Variants in CDH12 observed in about 807,000 individuals in gnomAD.
The protein encoded by CDH12 is cadherin 12.
CDH12 carries 41 observed loss-of-function variants against 74.1 expected under a neutral mutation model. The observed-to-expected ratio is 0.55, with a 90% CI of 0.43 to 0.72. The LOEUF (loss-of-function observed/expected upper bound fraction) is 0.72, where lower values mean the gene tolerates loss of function less well. Among genes scored for constraint, CDH12 ranks in the 30% least tolerant of loss-of-function variants. The pLI, the probability that CDH12 is intolerant of heterozygous loss-of-function variation, is 0.00. For synonymous variants in CDH12, 399 were observed against 355.0 expected, an observed-to-expected ratio of 1.12 and a Z score of -1.39; for missense variants, 945 against 977.2, an observed-to-expected ratio of 0.97 and a Z score of 0.44.
Position 21,905,061 on chromosome 5 carries a change from G to A in CDH12, c.527-50271C>T, listed in dbSNP as rs116238997. Among the ~76,000 whole-genome samples, 1,199 of 152,310 alleles carry A rather than the reference G, an allele frequency of 7.9e-3. 19 individuals carry two copies. The highest frequency in any genetic ancestry group is 0.027 in the African/African-American group (1,131 of 41,572). ...CATAGCCATTGCAATGTGTACTTTGGATGTCAATCACAATTTGTCCTTTAG... is the reference window on the plus strand; with the variant it reads ...CATAGCCATTGCAATGTGTACTTTGAATGTCAATCACAATTTGTCCTTTAG... On this transcript the variant is annotated intron_variant, in intron 6 of 14. Transcript: ENST00000382254.
chr5:22,065,809 C>A lies in CDH12; in HGVS notation c.231+12637G>T, dbSNP rs139817838. On this transcript the variant is annotated intron_variant, in intron 5 of 14. Transcript: ENST00000382254. ...GGGGCCTTGTTGTAGCGATCAATGG[C>A]CAAAGTAAGGTTGGCATGTTTACCA... Among the ~76,000 whole-genome samples, 906 of 152,112 alleles carry A rather than the reference C, an allele frequency of 6.0e-3. 6 individuals are homozygous for A. The highest frequency in any genetic ancestry group is 0.021 in the African/African-American group (866 of 41,504).
chr5:21,947,946 T>C (rs1392000183), intron 6 of CDH12, among the ~76,000 whole-genome samples: 1 of 152,176 alleles, frequency 6.6e-6, no homozygotes, highest in East Asian at 1.9e-4. Flanking sequence ...AGCTCACCTG[T>C]TGATTCAGAG....
At chr5:22,222,915 C>T (rs1276389756) in intron 3 of CDH12, among the ~76,000 whole-genome samples, 2 of 151,816 alleles carry the variant, frequency 1.3e-5, no homozygotes, top group Admixed American at 1.3e-4. Flanking sequence ...TGAAGTAGTT[C>T]TAATTATTCA....
chr5:22,832,420 C>T (rs546995310), intron 1 of CDH12, among the ~76,000 whole-genome samples: 92 of 152,172 alleles, frequency 6.0e-4, no homozygotes, highest in African/African-American at 2.1e-3. Context: ...AAATTGGCCA[C>T]GGCTTTAGGT....
intron 4 of CDH12, among the ~76,000 whole-genome samples, chr5:22,134,508 GAAT>G (rs1282728289): frequency 2.0e-5 from 3 of 150,988 alleles, no homozygotes; most frequent in Non-Finnish European, 4.4e-5. Context: ...TGGTGACATT[GAAT>G]AGATTCACTC....
In CDH12 at chr5:22,000,017, T is replaced by G. The variant is rs186508103; in HGVS notation, c.232-24632A>C. 9.0e-3 allele frequency among the ~76,000 whole-genome samples: 1,374 copies of G among 152,238 alleles called. 13 individuals are homozygous for G. The highest frequency in any genetic ancestry group is 0.033 in the East Asian group (172 of 5,174). ...TCCTTCCACCCATTTGTGTCTAGTT[T>G]CTTTTTCCCATGGTTGTTTGAGCCG... On this transcript the variant is annotated intron_variant, in intron 5 of 14. Coordinates refer to ENST00000382254, the MANE Select transcript of CDH12 (RefSeq NM_004061.5).
chr5:22,654,666 G>A lies in CDH12; in HGVS notation c.-522-149302C>T, dbSNP rs1300843626. Among the ~76,000 whole-genome samples the A allele has an allele frequency of 4.0e-5, 6 of 148,636 alleles. No individual in the cohort carries two copies. The East Asian group carries it at 6.1e-4, about 15-fold the overall frequency. On this transcript the variant is annotated intron_variant, in intron 1 of 14. Coordinates refer to ENST00000382254, the MANE Select transcript of CDH12 (RefSeq NM_004061.5). ...GTTGTTGTTGTTTTGAGACAGTTTC[G>A]CTCTTGTTGCCTAGGCTGGAGTGCA... is the stretch of plus-strand genomic sequence containing the variant.
intron 3 of CDH12, among the ~76,000 whole-genome samples, chr5:22,299,123 A>T (rs1737754096): frequency 6.6e-6 from 1 of 152,182 alleles, no homozygotes; most frequent in Non-Finnish European, 1.5e-5. Context: ...CCATACCTAT[A>T]TCTGAGAAAA....
chr5:21,881,139 G>GAA (rs201398781), intron 6 of CDH12, among the ~76,000 whole-genome samples: 4 of 151,298 alleles, frequency 2.6e-5, no homozygotes, highest in Admixed American at 2.6e-4. Flanking sequence ...AAAGAAAAAT[G>GAA]AAAAAAAACT....
chr5:22,780,498 C>A (rs1747332939), intron 1 of CDH12, among the ~76,000 whole-genome samples: 1 of 152,122 alleles, frequency 6.6e-6, no homozygotes, highest in African/African-American at 2.4e-5. Context: ...AGGCAACCTT[C>A]TTCACAGGGC....
chr5:22,752,795 C>T (rs1457221562), intron 1 of CDH12, among the ~76,000 whole-genome samples: 1 of 151,204 alleles, frequency 6.6e-6, no homozygotes, highest in African/African-American at 2.4e-5. Context: ...GGGATGGTCT[C>T]GATCTCCTGA....
At chr5:22,810,408 A>G (rs1176162515) in intron 1 of CDH12, among the ~76,000 whole-genome samples, 1 of 152,218 alleles carries the variant, frequency 6.6e-6, no homozygotes, top group African/African-American at 2.4e-5. Context: ...ATTGTTCATT[A>G]CGTGTTTCTC....
chr5:22,113,580 G>T (rs1275879839), intron 4 of CDH12, among the ~76,000 whole-genome samples: 2 of 151,986 alleles, frequency 1.3e-5, no homozygotes, highest in African/African-American at 4.8e-5. Context: ...AAATATATTT[G>T]ATTGACGTCT....
At position 22,794,632 on chromosome 5, in the gene CDH12, A is replaced by C. The variant is rs181004741; in HGVS notation, c.-523+58426T>G. ...ACCAAGATTTAGAGAGAATAGAAAAAAATAGATACAGAAAAACACAAACAA... is the reference window on the plus strand; with the variant it reads ...ACCAAGATTTAGAGAGAATAGAAAACAATAGATACAGAAAAACACAAACAA... On this transcript the variant is annotated intron_variant, in intron 1 of 14. Transcript: ENST00000382254. Among the ~76,000 whole-genome samples the C allele has an allele frequency of 1.2e-4, 18 of 152,354 alleles. No individual in the cohort carries two copies. In the East Asian group the frequency reaches 2.1e-3, roughly 18 times the overall value.
At chr5:22,517,675 A>C (rs1331897020) in intron 1 of CDH12, among the ~76,000 whole-genome samples, 2 of 152,226 alleles carry the variant, frequency 1.3e-5, no homozygotes, top group Non-Finnish European at 2.9e-5. Flanking sequence ...ATCTGCTGCC[A>C]AAAATTGCAC....
At chr5:22,620,982 T>C (rs1737941295) in intron 1 of CDH12, among the ~76,000 whole-genome samples, 1 of 152,076 alleles carries the variant, frequency 6.6e-6, no homozygotes, top group South Asian at 2.1e-4. Flanking sequence ...CTTCACAGAG[T>C]TCTGGAGATC....
At chr5:22,295,356 T>C (rs953673179) in intron 3 of CDH12, among the ~76,000 whole-genome samples, 14 of 152,192 alleles carry the variant, frequency 9.2e-5, no homozygotes, top group Admixed American at 6.6e-4. Flanking sequence ...AACTTTAGAA[T>C]TGATAAATTT....
intron 3 of CDH12, among the ~76,000 whole-genome samples, chr5:22,283,420 A>G (rs1482534581): frequency 1.3e-5 from 2 of 151,486 alleles, no homozygotes; most frequent in African/African-American, 2.4e-5. Context: ...GTGCCACACA[A>G]ATAAATACTA....
At chr5:22,702,089 C>T (rs879514827) in intron 1 of CDH12, among the ~76,000 whole-genome samples, 4 of 152,070 alleles carry the variant, frequency 2.6e-5, no homozygotes, top group Admixed American at 6.6e-5. Flanking sequence ...TGTCTAGAGG[C>T]GTCTGGAACA....
Sources: allele counts gnomAD v4.1 joint callset (sites outside exome capture counted in the v4.1 genomes callset), GRCh38; gene constraint gnomAD v4.1.1; transcripts MANE v1.5; gene names NCBI Gene and HGNC (gene_info 2026-07-23, HGNC 2026-07-21).